POTEJ: variants seen among roughly 807,000 people sequenced by gnomAD.
The protein encoded by POTEJ is POTE ankyrin domain family, member J.
POTEJ carries 11 observed loss-of-function variants against 69.0 expected under a neutral mutation model. The observed-to-expected ratio is 0.16, with a 90% CI of 0.10 to 0.26. POTEJ has a LOEUF of 0.26. Among genes scored for constraint, POTEJ ranks in the 10% least tolerant of loss-of-function variants. The pLI is 1.00. For missense variants in POTEJ, 327 were observed against 1,045.5 expected (o/e 0.31, Z 9.48); for synonymous variants, 117 against 381.1 (o/e 0.31, Z 8.07).
chr2:130,624,035 A>G, intron 5 of POTEJ, 29 bp from the exon 6 acceptor site: 1 of 1,468,704 alleles, frequency 6.8e-7, no homozygotes, highest in Non-Finnish European at 9.2e-7. Context: ...TTAAAATAGT[A>G]ATTTGGTTTA....
intron 9 of POTEJ, among the ~76,000 whole-genome samples, chr2:130,636,228 G>A (rs1247069258): frequency 2.0e-5 from 3 of 152,044 alleles, no homozygotes; most frequent in African/African-American, 7.3e-5. Flanking sequence ...GAAGAAAAGG[G>A]TAAAAAGAAA....
At chr2:130,639,229 T>G (rs71236642) in intron 10 of POTEJ, among the ~76,000 whole-genome samples, 62 of 149,962 alleles carry the variant, frequency 4.1e-4, no homozygotes, top group African/African-American at 1.3e-3. Context: ...GTCTGTGGCC[T>G]GGGAGTTGTG....
chr2:130,656,834 GC>G lies in POTEJ; in HGVS notation c.2075del (p.Ala692ValfsTer15). 1 of 1,600,392 alleles carries G rather than the reference GC, an allele frequency of 6.2e-7. No homozygotes were observed. Among genetic ancestry groups the G allele is most frequent in the Non-Finnish European group, 8.5e-7 (1 of 1,173,210 alleles). On this transcript the variant is annotated frameshift_variant, in exon 15 of 15. Transcript: ENST00000409602. LOFTEE classifies it high-confidence loss of function. ...CTTTGCGGGCGACGATGCCCCCCGG[GC>G]TGTCTTCCCTTCCATCGTGGGGTGC... ...AGFAGDDAPR[A>X]VFPSIVGCPR...
At chr2:130,627,034 G>T (rs1391735287) in intron 6 of POTEJ, among the ~76,000 whole-genome samples, 1 of 152,152 alleles carries the variant, frequency 6.6e-6, no homozygotes, top group African/African-American at 2.4e-5. Context: ...AAAGCCTTGG[G>T]GGACAGAGAG....
chr2:130,628,706 G>A (rs1307166754), intron 6 of POTEJ, among the ~76,000 whole-genome samples: 10 of 139,332 alleles, frequency 7.2e-5, no homozygotes, highest in African/African-American at 2.1e-4. Flanking sequence ...CAAGGAAGAC[G>A]TTCTCATAGC....
In POTEJ at chr2:130,629,011, C is replaced by G. The variant is rs570970277; in HGVS notation, c.1016-938C>G. Among the ~76,000 whole-genome samples, 8 of 151,146 alleles carry G rather than the reference C, an allele frequency of 5.3e-5. No individual in the cohort carries two copies. In the South Asian group the frequency reaches 1.7e-3, roughly 31 times the overall value. ...CTCCAGCCTGGTGACAGAGCAAGAC[C>G]CTGGCTCAAAAAAAAAAAAGAAAGA... On this transcript the variant is annotated intron_variant, in intron 6 of 14. Transcript: ENST00000409602.
At chr2:130,627,089 T>C (rs559094044) in intron 6 of POTEJ, among the ~76,000 whole-genome samples, 2 of 152,234 alleles carry the variant, frequency 1.3e-5, no homozygotes, top group African/African-American at 2.4e-5. Context: ...CAGTAGTATT[T>C]AACCTGGATG....
intron 6 of POTEJ, among the ~76,000 whole-genome samples, chr2:130,626,894 T>C (rs1348376983): frequency 3.3e-5 from 5 of 152,178 alleles, no homozygotes; most frequent in African/African-American, 1.2e-4. Flanking sequence ...AGAAATAACA[T>C]TAATAGTTGG....
At chr2:130,650,242 C>A (rs1190210920) in intron 13 of POTEJ, among the ~76,000 whole-genome samples, 4 of 152,280 alleles carry the variant, frequency 2.6e-5, no homozygotes, top group Admixed American at 2.6e-4. Flanking sequence ...ATAAAAGTTT[C>A]TTTGTATTAA....
intron 10 of POTEJ, among the ~76,000 whole-genome samples, chr2:130,642,051 C>T (rs185604877): frequency 1.8e-4 from 27 of 150,718 alleles, no homozygotes; most frequent in African/African-American, 5.6e-4. Flanking sequence ...TCAGCAAATT[C>T]GGTCCTAGAG....
chr2:130,622,353 C>A (rs1685569997), intron 5 of POTEJ, among the ~76,000 whole-genome samples: 1 of 43,808 alleles, frequency 2.3e-5, no homozygotes, highest in Admixed American at 2.7e-4. Flanking sequence ...TATTCAGAAC[C>A]TAATGTGGAA....
At chr2:130,620,528 A>G (rs570813807) in intron 4 of POTEJ, among the ~76,000 whole-genome samples, 2 of 151,558 alleles carry the variant, frequency 1.3e-5, no homozygotes, top group Admixed American at 1.3e-4. Flanking sequence ...CTTTTCCACT[A>G]AATATGCTGT....
At chr2:130,629,288 C>G (rs1244814973) in intron 6 of POTEJ, among the ~76,000 whole-genome samples, 4 of 149,510 alleles carry the variant, frequency 2.7e-5, no homozygotes, top group African/African-American at 1.0e-4. Context: ...TGTAGGCAAG[C>G]TTACAGAAGC....
At chr2:130,649,442 C>G (rs1686720536) in intron 13 of POTEJ, among the ~76,000 whole-genome samples, 1 of 152,162 alleles carries the variant, frequency 6.6e-6, no homozygotes, top group Non-Finnish European at 1.5e-5. Context: ...ATCCAGAGGC[C>G]AGTCTATCTT....
intron 10 of POTEJ, among the ~76,000 whole-genome samples, chr2:130,639,417 A>G (rs1686250415): frequency 6.6e-6 from 1 of 152,304 alleles, no homozygotes. Flanking sequence ...ACTTTGTTGG[A>G]ACAAGATGTG....
Position 130,611,515 on chromosome 2 carries a change from C to G in POTEJ, c.-18C>G, listed in dbSNP as rs369792002. The G allele has an allele frequency of 9.2e-4, 685 of 742,546 alleles. 22 individuals are homozygous for G. The East Asian group carries it at 0.015, about 17-fold the overall frequency. 46.0% of individuals were successfully genotyped at this position (742,546 alleles called of 1,614,324 possible). A position where few individuals can be genotyped will look rare whatever the true frequency, so the allele number is the denominator to read the frequency against. ...GATCTGCTCGCTACTACCGGCCTCC[C>G]CAGGCTGTTAAAAGCAGATGGTAGC... On this transcript the variant is annotated 5_prime_UTR_variant, in exon 1 of 15. Coordinates refer to ENST00000409602, the MANE Select transcript of POTEJ (RefSeq NM_001277083.2).
At chr2:130,639,504 A>G (rs1233572693) in intron 10 of POTEJ, among the ~76,000 whole-genome samples, 1 of 152,302 alleles carries the variant, frequency 6.6e-6, no homozygotes. Flanking sequence ...ATTTGCCAAA[A>G]GATTGTCATA....
intron 14 of POTEJ, among the ~76,000 whole-genome samples, chr2:130,655,941 T>C (rs1169619279): frequency 2.9e-5 from 4 of 139,928 alleles, no homozygotes; most frequent in Admixed American, 7.3e-5. Flanking sequence ...TAGATACAGA[T>C]GTGTACAGTG....
At chr2:130,642,051 C>G (rs185604877) in intron 10 of POTEJ, among the ~76,000 whole-genome samples, 1 of 150,602 alleles carries the variant, frequency 6.6e-6, no homozygotes, top group South Asian at 2.1e-4. Flanking sequence ...TCAGCAAATT[C>G]GGTCCTAGAG....
Sources: allele counts gnomAD v4.1 joint callset (sites outside exome capture counted in the v4.1 genomes callset), GRCh38; gene constraint gnomAD v4.1.1; transcripts MANE v1.5; gene names NCBI Gene and HGNC (gene_info 2026-07-23, HGNC 2026-07-21).